The following BIRC6 variants were observed in gnomAD, a reference collection of about 807,000 sequenced individuals.
The protein encoded by BIRC6 is baculoviral IAP repeat containing 6.
In BIRC6, 98 loss-of-function variants were observed where a neutral mutation model predicts 503.3. The ratio of observed to expected loss-of-function variants is 0.19; its 90% CI spans 0.17 to 0.23. The LOEUF is 0.23. Ranked by LOEUF, BIRC6 falls within the 10% of genes least tolerant of loss-of-function variation. The pLI is 1.00. For synonymous variants in BIRC6, 2,240 were observed against 2,078.7 expected, an observed-to-expected ratio of 1.08 and a Z score of -2.11; for missense variants, 5,360 against 5,806.0, an observed-to-expected ratio of 0.92 and a Z score of 2.50.
At position 32,468,648 on chromosome 2, in the gene BIRC6, C is replaced by T. The variant is rs539866254; in HGVS notation, c.5992C>T (p.Leu1998=). ...HNAVQRLKVA[L]GASRKMLSET... is the part of the protein sequence containing the mutation. ...TGCAGTGCAGAGGCTCAAAGTGGCGCTAGGTGCAAGCCGGAAGATGTTGAG... is the reference window on the plus strand; with the variant it reads ...TGCAGTGCAGAGGCTCAAAGTGGCGTTAGGTGCAAGCCGGAAGATGTTGAG... The change falls in exon 29 of 74, where the codon CTA becomes TTA. Residue 1998 remains leucine, a synonymous_variant. Transcript: ENST00000421745. 7 of 1,613,996 alleles carry T rather than the reference C, an allele frequency of 4.3e-6. No individual in the cohort carries two copies. The African/African-American group carries it at 5.3e-5, about 12-fold the overall frequency.
intron 24 of BIRC6, among the ~76,000 whole-genome samples, 199 bp downstream of exon 24, chr2:32,463,580 A>G (rs542267202): frequency 6.6e-6 from 1 of 152,338 alleles, no homozygotes; most frequent in South Asian, 2.1e-4. Context: ...TTTGATACAT[A>G]TTTGAGGGAA....
intron 23 of BIRC6, among the ~76,000 whole-genome samples, chr2:32,461,701 C>G (rs763363942): frequency 6.6e-5 from 10 of 151,720 alleles, no homozygotes; most frequent in Non-Finnish European, 1.2e-4. Flanking sequence ...AATTCTGGCA[C>G]AATATAGCCC....
chr2:32,438,186 C>T (rs1574206107), intron 15 of BIRC6, among the ~76,000 whole-genome samples: 1 of 152,156 alleles, frequency 6.6e-6, no homozygotes, highest in East Asian at 1.9e-4. Context: ...TATTTTTTTC[C>T]ATAAAATTCT....
At chr2:32,603,682 G>A (rs1420458385) in intron 71 of BIRC6, among the ~76,000 whole-genome samples, 1 of 151,968 alleles carries the variant, frequency 6.6e-6, no homozygotes, top group Non-Finnish European at 1.5e-5. Flanking sequence ...CGAGATCACG[G>A]CACTACACTC....
At chr2:32,466,959 A>T (rs902329177) in intron 26 of BIRC6, among the ~76,000 whole-genome samples, 1 of 152,004 alleles carries the variant, frequency 6.6e-6, no homozygotes, top group African/African-American at 2.4e-5. Context: ...CTCTACTAAA[A>T]CTACAAAAAA....
At chr2:32,429,775 T>A (rs2043897275) in intron 11 of BIRC6, among the ~76,000 whole-genome samples, 1 of 152,178 alleles carries the variant, frequency 6.6e-6, no homozygotes, top group African/African-American at 2.4e-5. Flanking sequence ...TGCTACTCCC[T>A]GCCAAAAAAT....
rs777646256 is a variant in BIRC6 at position 32,459,338 on chromosome 2, G to A, written c.4754-3856G>A. On this transcript the variant is annotated intron_variant, in intron 23 of 73. Coordinates refer to ENST00000421745, the MANE Select transcript of BIRC6 (RefSeq NM_016252.4). ...TTCATCTACGGGTAAAGATTTAGGC[G>A]ATTTCTTCTTTTTGGCTGTTATGTC... 5.3e-5 allele frequency among the ~76,000 whole-genome samples: 8 copies of A among 152,124 alleles called. No individual in the cohort carries two copies. In the East Asian group the frequency reaches 5.8e-4, roughly 11 times the overall value.
chr2:32,490,098 C>T lies in BIRC6; in HGVS notation c.8153C>T (p.Thr2718Ile), dbSNP rs2051504323. 14 of 1,613,568 alleles carry T rather than the reference C, an allele frequency of 8.7e-6. No individual in the cohort carries two copies. Among genetic ancestry groups the T allele is most frequent in the Middle Eastern group, 1.6e-4 (1 of 6,080 alleles). ...LAWYPNTLLR[T>I]WCLVLHSLTL... is the part of the protein sequence containing the mutation. ...TGGTATCCCAATACTTTGCTCCGGA[C>T]ATGGTGCCTTGTGCTTCATAGCCTA... The change falls in exon 43 of 74, where the codon ACA (threonine) becomes ATA (isoleucine). Residue 2718 changes from threonine (T) to isoleucine (I), a missense_variant. Transcript: ENST00000421745.
intron 1 of BIRC6, among the ~76,000 whole-genome samples, chr2:32,365,485 A>G (rs1184585752): frequency 6.6e-6 from 1 of 151,506 alleles, no homozygotes; most frequent in African/African-American, 2.4e-5. Context: ...ACGCCCAGCT[A>G]ATTTTTTCTA....
chr2:32,492,902 C>T (rs2051925570), intron 44 of BIRC6, among the ~76,000 whole-genome samples: 1 of 151,802 alleles, frequency 6.6e-6, no homozygotes. Context: ...TTCATCAAAT[C>T]AAATTAGGAT....
At position 32,543,516 on chromosome 2, in the gene BIRC6, G is replaced by A. The variant is rs1304878421; in HGVS notation, c.12567G>A (p.Leu4189=). The change falls in exon 62 of 74, where the codon TTG becomes TTA. Residue 4189 remains leucine (L), a synonymous_variant. Transcript: ENST00000421745. ...CCCAGTGCCTTCTTCGATTGGTATT[G>A]GGAGTGACAGATGATGGAGAAGGAA... is the stretch of plus-strand genomic sequence containing the variant. ...KHAQCLLRLV[L]GVTDDGEGSH... 1 of 1,613,606 alleles carries A rather than the reference G, an allele frequency of 6.2e-7. No homozygotes were observed.
Position 32,416,068 on chromosome 2 carries a change from T to C in BIRC6, c.2777T>C (p.Val926Ala), listed in dbSNP as rs1234940847. Residue 926 changes from valine to alanine, a missense_variant, in exon 10 of 74, where the codon GTG (valine) becomes GCG (alanine). Coordinates refer to ENST00000421745, the MANE Select transcript of BIRC6 (RefSeq NM_016252.4). ...DLSNFEILAK[V>A]EPPKKEGTEE... ...TCAAACTTTGAAATTTTGGCCAAAG[T>C]GGAGCCTCCCAAAAAGGAGGGCACT... 6.2e-7 allele frequency: 1 copy of C among 1,613,824 alleles called. No individual in the cohort carries two copies. Among genetic ancestry groups the C allele is most frequent in the African/African-American group, 1.3e-5 (1 of 74,906 alleles).
chr2:32,545,888 A>T, intron 63 of BIRC6, 28 bp downstream of exon 63: 1 of 1,585,180 alleles, frequency 6.3e-7, no homozygotes, highest in East Asian at 2.2e-5. Context: ...TATTTCAGTT[A>T]TTAAAAAAAC....
Position 32,505,042 on chromosome 2 carries a change from T to A in BIRC6, c.9537T>A (p.Ala3179=), listed in dbSNP as rs1355672730. 13 of 1,613,880 alleles carry A rather than the reference T, an allele frequency of 8.1e-6. No homozygotes were observed. Among genetic ancestry groups the A allele is most frequent in the Non-Finnish European group, 8.5e-6 (10 of 1,179,830 alleles). ...CTAGCAGTCCTACTGCCCAACCAGC[T>A]GAAGTGCTATTGCAGGCCACACCTC... is the stretch of plus-strand genomic sequence containing the variant. ...ITSSSPTAQP[A]EVLLQATPPH... is the part of the protein sequence containing the mutation. Residue 3179 remains alanine, a synonymous_variant, in exon 50 of 74, where the codon GCT becomes GCA. Coordinates refer to ENST00000421745, the MANE Select transcript of BIRC6 (RefSeq NM_016252.4).
chr2:32,415,019 A>G lies in BIRC6; in HGVS notation c.1728A>G (p.Lys576=). 1.2e-6 allele frequency: 2 copies of G among 1,613,886 alleles called. No homozygotes were observed. Among genetic ancestry groups the G allele is most frequent in the Non-Finnish European group, 1.7e-6 (2 of 1,179,880 alleles). The change falls in exon 10 of 74, where the codon AAA becomes AAG. Residue 576 remains lysine, a synonymous_variant. Transcript: ENST00000421745. ...CLLAGGLLTY[K]SPATSPISSN... ...TAGCTGGAGGTTTATTAACATATAA[A>G]TCTCCTGCTACCTCACCCATTAGTA... is the stretch of plus-strand genomic sequence containing the variant.
intron 23 of BIRC6, among the ~76,000 whole-genome samples, chr2:32,460,409 T>G (rs927127197): frequency 1.3e-5 from 2 of 149,378 alleles, no homozygotes; most frequent in South Asian, 2.1e-4. Context: ...CCCCAGTACC[T>G]GGGATTACAG....
chr2:32,618,051 T>C lies in BIRC6; in HGVS notation c.*147T>C. On this transcript the variant is annotated 3_prime_UTR_variant, in exon 74 of 74. Coordinates refer to ENST00000421745, the MANE Select transcript of BIRC6 (RefSeq NM_016252.4). ...TAAGGAGATCCAGTTTAATTCAAGG[T>C]GATCTTTTATTTACCTGTACAGGAG... 2 of 797,870 alleles carry C rather than the reference T, an allele frequency of 2.5e-6. No homozygotes were observed. Among genetic ancestry groups the C allele is most frequent in the East Asian group, 2.7e-5 (1 of 36,720 alleles). The allele number at this position is 797,870 out of a possible 1,614,324, so 49.4% of individuals were successfully genotyped here.
intron 11 of BIRC6, among the ~76,000 whole-genome samples, chr2:32,429,925 A>G (rs917103978): frequency 8.5e-5 from 13 of 152,176 alleles, no homozygotes; most frequent in African/African-American, 3.1e-4. Flanking sequence ...CATATTTTAT[A>G]GGTTATTGGT....
chr2:32,439,139 TTC>T (rs1453380722), intron 15 of BIRC6, among the ~76,000 whole-genome samples: 1 of 152,170 alleles, frequency 6.6e-6, no homozygotes, highest in African/African-American at 2.4e-5. Context: ...TGGATATACG[TTC>T]TGTTATTATC....
Sources: gnomAD v4.1 joint callset for allele counts (sites outside exome capture counted in the v4.1 genomes callset) on GRCh38, gnomAD v4.1.1 for gene constraint, MANE v1.5 for transcripts, NCBI Gene and HGNC (gene_info 2026-07-23, HGNC 2026-07-21) for gene names.